ADCY8: variants seen among roughly 807,000 people sequenced by gnomAD.
ADCY8 encodes the protein adenylate cyclase type 8.
A neutral mutation model predicts 119.7 loss-of-function variants in ADCY8; 51 were observed. The observed-to-expected ratio is 0.43, with a 90% CI of 0.34 to 0.54. The LOEUF is 0.54. ADCY8 is among the 20% of genes least tolerant of loss of function. The pLI, the probability that ADCY8 is intolerant of heterozygous loss-of-function variation, is 0.03. For synonymous variants in ADCY8, 665 were observed against 651.0 expected, an observed-to-expected ratio of 1.02 and a Z score of -0.33; for missense variants, 1,383 against 1,598.8, an observed-to-expected ratio of 0.87 and a Z score of 2.30.
intron 1 of ADCY8, among the ~76,000 whole-genome samples, chr8:130,991,664 C>T (rs1586636509): frequency 6.6e-6 from 1 of 152,040 alleles, no homozygotes; most frequent in African/African-American, 2.4e-5. Context: ...TTCACAATGC[C>T]CAGAACATAG....
chr8:130,805,987 G>T (rs183926030), intron 14 of ADCY8, among the ~76,000 whole-genome samples: 110 of 152,288 alleles, frequency 7.2e-4, no homozygotes, highest in African/African-American at 2.6e-3. Context: ...TCCCCAGTCT[G>T]GTGGGGTAAA....
chr8:130,912,203 T>A (rs573345653), intron 5 of ADCY8, among the ~76,000 whole-genome samples: 1 of 152,280 alleles, frequency 6.6e-6, no homozygotes, highest in East Asian at 1.9e-4. Flanking sequence ...TGAACAGTAA[T>A]TAGGGTGCTG....
chr8:130,854,357 C>T (rs1259455003), intron 9 of ADCY8, among the ~76,000 whole-genome samples: 1 of 152,184 alleles, frequency 6.6e-6, no homozygotes, highest in Admixed American at 6.5e-5. Context: ...TAATTATTCT[C>T]TGCAGTCTGT....
chr8:130,804,528 A>T (rs1002658942), intron 14 of ADCY8, among the ~76,000 whole-genome samples: 1 of 152,230 alleles, frequency 6.6e-6, no homozygotes, highest in Non-Finnish European at 1.5e-5. Context: ...TCAGTCCATT[A>T]TGCCTATATT....
intron 15 of ADCY8, among the ~76,000 whole-genome samples, chr8:130,796,768 C>A (rs993293664): frequency 6.9e-4 from 102 of 147,906 alleles, no homozygotes; most frequent in African/African-American, 2.4e-3. Flanking sequence ...TCCACCTCCT[C>A]CCCTTTCCTC....
At chr8:130,800,685 C>G in intron 14 of ADCY8, 113 bp from the exon 15 acceptor site, 1 of 1,185,912 alleles carries the variant, frequency 8.4e-7, no homozygotes, top group Non-Finnish European at 1.2e-6. Flanking sequence ...CACAGAGAGA[C>G]AGAAAATGAG....
intron 1 of ADCY8, among the ~76,000 whole-genome samples, chr8:131,001,968 G>A (rs1429471850): frequency 1.3e-5 from 2 of 152,138 alleles, no homozygotes; most frequent in African/African-American, 4.8e-5. Flanking sequence ...TTACCTCCAG[G>A]GGGACTGTAG....
chr8:130,782,830 G>A (rs1183762148), intron 17 of ADCY8, among the ~76,000 whole-genome samples: 4 of 152,194 alleles, frequency 2.6e-5, no homozygotes, highest in Non-Finnish European at 5.9e-5. Context: ...CTTGAAAGCT[G>A]CTAAGGGAGA....
chr8:130,976,368 C>T (rs766638989), intron 2 of ADCY8, among the ~76,000 whole-genome samples: 50 of 152,100 alleles, frequency 3.3e-4, no homozygotes, highest in Admixed American at 7.9e-4. Context: ...TTGTAGGTGT[C>T]GGAAGATGCT....
chr8:130,949,237 C>A (rs1030295033), intron 3 of ADCY8, among the ~76,000 whole-genome samples: 1 of 152,034 alleles, frequency 6.6e-6, no homozygotes, highest in Non-Finnish European at 1.5e-5. Context: ...AGAAAGCGAG[C>A]CGCCGAACAT....
chr8:130,967,193 G>A (rs1432479383), intron 2 of ADCY8, among the ~76,000 whole-genome samples: 3 of 152,192 alleles, frequency 2.0e-5, no homozygotes, highest in Non-Finnish European at 4.4e-5. Flanking sequence ...CATTGCAGAA[G>A]CTGTTGCTTA....
chr8:130,835,214 G>T (rs559944501), intron 12 of ADCY8, among the ~76,000 whole-genome samples: 15 of 152,188 alleles, frequency 9.9e-5, no homozygotes, highest in African/African-American at 3.6e-4. Flanking sequence ...TCTTGTGTGG[G>T]GTCTGTTTAC....
At chr8:130,866,359 C>T (rs984760903) in intron 9 of ADCY8, among the ~76,000 whole-genome samples, 1 of 152,048 alleles carries the variant, frequency 6.6e-6, no homozygotes, top group African/African-American at 2.4e-5. Context: ...CATCATGCTA[C>T]AATCTTCCTA....
chr8:131,011,768 G>T (rs1034678612), intron 1 of ADCY8, among the ~76,000 whole-genome samples: 1 of 152,124 alleles, frequency 6.6e-6, no homozygotes, highest in Non-Finnish European at 1.5e-5. Flanking sequence ...GCATAAAACC[G>T]TGGGATCCTC....
chr8:130,967,236 C>T (rs900734320), intron 2 of ADCY8, among the ~76,000 whole-genome samples: 2 of 152,170 alleles, frequency 1.3e-5, no homozygotes, highest in Non-Finnish European at 2.9e-5. Flanking sequence ...TGTAGGTTCA[C>T]TTCAGACTGA....
At chr8:130,946,764 G>A (rs1821117174) in intron 3 of ADCY8, among the ~76,000 whole-genome samples, 1 of 152,150 alleles carries the variant, frequency 6.6e-6, no homozygotes, top group Non-Finnish European at 1.5e-5. Context: ...TCCTTCCTCA[G>A]AGCATGGTCA....
chr8:130,904,980 G>A (rs906066478), intron 6 of ADCY8, among the ~76,000 whole-genome samples: 3 of 152,128 alleles, frequency 2.0e-5, no homozygotes, highest in Non-Finnish European at 4.4e-5. Context: ...GATTCAAACC[G>A]TAGCTCTGCC....
intron 5 of ADCY8, among the ~76,000 whole-genome samples, chr8:130,922,209 T>A (rs1197496138): frequency 8.2e-6 from 1 of 122,318 alleles, no homozygotes; most frequent in Admixed American, 7.8e-5. Context: ...ATTCCCTTTC[T>A]TTTTTTTTTT....
intron 5 of ADCY8, among the ~76,000 whole-genome samples, chr8:130,914,591 G>C (rs568303680): frequency 6.6e-6 from 1 of 152,178 alleles, no homozygotes; most frequent in East Asian, 1.9e-4. Flanking sequence ...AGGCTACCCT[G>C]TGGTTGCAAA....
Sources: gnomAD v4.1 joint callset for allele counts (sites outside exome capture counted in the v4.1 genomes callset) on GRCh38, gnomAD v4.1.1 for gene constraint, MANE v1.5 for transcripts, NCBI Gene and HGNC (gene_info 2026-07-23, HGNC 2026-07-21) for gene names.